PRKG1: variants seen among roughly 807,000 people sequenced by gnomAD.
The protein encoded by PRKG1 is protein kinase cGMP-dependent 1.
Under a neutral mutation model 88.1 loss-of-function variants are expected in PRKG1, and 35 were observed. The ratio of observed to expected loss-of-function variants is 0.40; its 90% CI spans 0.30 to 0.53. PRKG1 has a LOEUF of 0.53. Ranked by LOEUF, PRKG1 falls within the 20% of genes least tolerant of loss-of-function variation. PRKG1 has a pLI of 0.59. For synonymous variants in PRKG1, 303 were observed against 292.5 expected (o/e 1.04, Z -0.37); for missense variants, 540 against 839.8 (o/e 0.64, Z 4.41).
intron 4 of PRKG1, among the ~76,000 whole-genome samples, chr10:51,809,288 GA>G (rs56821994): frequency 8.3e-4 from 120 of 144,916 alleles, no homozygotes; most frequent in African/African-American, 2.0e-3. Flanking sequence ...CCAGATCATA[GA>G]AAAAAAAAAA....
chr10:51,002,778 T>C (rs1358613866), intron 1 of PRKG1, among the ~76,000 whole-genome samples: 1 of 152,184 alleles, frequency 6.6e-6, no homozygotes, highest in East Asian at 1.9e-4. Flanking sequence ...GTCCCAGCAA[T>C]CAAGGGTCAG....
chr10:51,334,999 CTTTTTTTTTTTT>C (rs918622780), intron 2 of PRKG1, among the ~76,000 whole-genome samples: 1 of 78,746 alleles, frequency 1.3e-5, no homozygotes, highest in African/African-American at 5.1e-5. Context: ...TGTCAGGTTT[CTTTTTTTTTTTT>C]TTTTTTTTTT....
chr10:51,735,961 C>G (rs747846372), intron 3 of PRKG1, among the ~76,000 whole-genome samples: 3 of 123,976 alleles, frequency 2.4e-5, no homozygotes, highest in African/African-American at 9.2e-5. Flanking sequence ...TTGGAGTGCA[C>G]GACTCACTGC....
chr10:52,198,877 C>T (rs1839583610), intron 9 of PRKG1, among the ~76,000 whole-genome samples: 3 of 151,602 alleles, frequency 2.0e-5, no homozygotes, highest in South Asian at 2.1e-4. Flanking sequence ...CTTAAGCATA[C>T]TTGAGATAGT....
At chr10:51,173,309 G>C (rs1365998632) in intron 2 of PRKG1, among the ~76,000 whole-genome samples, 1 of 151,910 alleles carries the variant, frequency 6.6e-6, no homozygotes, top group East Asian at 1.9e-4. Context: ...TAAAACTTCT[G>C]TTGAAGTATA....
At chr10:51,840,908 A>T (rs948948625) in intron 4 of PRKG1, among the ~76,000 whole-genome samples, 1 of 152,218 alleles carries the variant, frequency 6.6e-6, no homozygotes. Flanking sequence ...TATAAAAAAC[A>T]AACACTAAAT....
At position 51,432,861 on chromosome 10, in the gene PRKG1, C is replaced by G. The variant is rs78015227; in HGVS notation, c.479-34862C>G. Among the ~76,000 whole-genome samples the G allele has an allele frequency of 5.4e-3, 815 of 152,182 alleles. 8 individuals are homozygous for G. The highest frequency in any genetic ancestry group is 0.018 in the African/African-American group (766 of 41,494). On this transcript the variant is annotated intron_variant, in intron 2 of 17. Transcript: ENST00000373980. ...AACTACGTCCCTTCATCACATTTAT[C>G]AAAGGATGCACAATATCTTGCTGGG...
chr10:51,629,122 T>G (rs1469683402), intron 3 of PRKG1, among the ~76,000 whole-genome samples: 1 of 152,180 alleles, frequency 6.6e-6, no homozygotes, highest in African/African-American at 2.4e-5. Flanking sequence ...GTAAGAGTAC[T>G]GTTTCACATT....
chr10:51,742,669 T>C (rs1458438645), intron 3 of PRKG1, among the ~76,000 whole-genome samples: 1 of 152,048 alleles, frequency 6.6e-6, no homozygotes, highest in African/African-American at 2.4e-5. Context: ...GAATTTAAGG[T>C]AAGAATGAAG....
Position 52,005,568 on chromosome 10 carries a change from C to T in PRKG1, c.763-48916C>T, listed in dbSNP as rs975006056. Among the ~76,000 whole-genome samples, 16 of 152,220 alleles carry T rather than the reference C, an allele frequency of 1.1e-4. No homozygotes were observed. The South Asian group carries it at 1.2e-3, about 12-fold the overall frequency. On this transcript the variant is annotated intron_variant, in intron 5 of 17. Transcript: ENST00000373980. The stretch of plus-strand genomic sequence containing the variant: ...TTGAACTCAACTGGTGGGCACAGCT[C>T]GCTGTTGTCCCAGTAAGCACATGGA...
intron 2 of PRKG1, among the ~76,000 whole-genome samples, chr10:51,352,105 A>T (rs1490107929): frequency 6.6e-6 from 1 of 150,624 alleles, no homozygotes; most frequent in Non-Finnish European, 1.5e-5. Context: ...TGGTCTGTAG[A>T]TCTGTTTTGG....
chr10:51,205,001 C>A (rs1436920371), intron 2 of PRKG1, among the ~76,000 whole-genome samples: 2 of 151,880 alleles, frequency 1.3e-5, no homozygotes, highest in African/African-American at 4.8e-5. Flanking sequence ...TAGATTATTG[C>A]CTTTCCTACA....
At chr10:51,422,037 T>G (rs1295029663) in intron 2 of PRKG1, among the ~76,000 whole-genome samples, 2 of 152,210 alleles carry the variant, frequency 1.3e-5, no homozygotes. Flanking sequence ...ATAGAGTGTT[T>G]GCTTACTCTG....
intron 2 of PRKG1, among the ~76,000 whole-genome samples, chr10:51,421,240 T>C (rs902226345): frequency 1.3e-5 from 2 of 152,164 alleles, no homozygotes; most frequent in Admixed American, 6.5e-5. Flanking sequence ...GGCATGATTA[T>C]AGCTCCTGGC....
At chr10:52,027,914 G>A (rs1227461732) in intron 5 of PRKG1, among the ~76,000 whole-genome samples, 1 of 152,048 alleles carries the variant, frequency 6.6e-6, no homozygotes, top group Non-Finnish European at 1.5e-5. Context: ...TCAGCCACCA[G>A]AGTAGCTGGG....
At chr10:51,964,200 C>T (rs1433964694) in intron 5 of PRKG1, among the ~76,000 whole-genome samples, 1 of 152,164 alleles carries the variant, frequency 6.6e-6, no homozygotes, top group African/African-American at 2.4e-5. Flanking sequence ...TTTGGGTTCA[C>T]TGGATAATTC....
intron 2 of PRKG1, among the ~76,000 whole-genome samples, chr10:51,326,169 A>T (rs574135714): frequency 1.7e-4 from 26 of 152,334 alleles, no homozygotes; most frequent in Admixed American, 1.4e-3. Flanking sequence ...TCTATTAAAG[A>T]ACTTAGATAC....
chr10:51,357,960 A>AT (rs922733351), intron 2 of PRKG1, among the ~76,000 whole-genome samples: 7 of 151,610 alleles, frequency 4.6e-5, no homozygotes, highest in Non-Finnish European at 7.4e-5. Context: ...GGATTTCTAG[A>AT]TTTTTTTTTA....
At chr10:51,686,764 T>C (rs895247822) in intron 3 of PRKG1, among the ~76,000 whole-genome samples, 3 of 152,180 alleles carry the variant, frequency 2.0e-5, no homozygotes, top group Middle Eastern at 3.2e-3. Context: ...TTGTTTGTTT[T>C]TTCTTTTTAG....
Sources: allele counts gnomAD v4.1 joint callset (sites outside exome capture counted in the v4.1 genomes callset), GRCh38; gene constraint gnomAD v4.1.1; transcripts MANE v1.5; gene names NCBI Gene and HGNC (gene_info 2026-07-23, HGNC 2026-07-21).